The following DCDC1 variants were observed in gnomAD, a reference collection of about 807,000 sequenced individuals.
DCDC1 encodes the protein doublecortin domain containing 1, also known as doublecortin domain-containing protein 1.
A neutral mutation model predicts 178.3 loss-of-function variants in DCDC1; 200 were observed. The ratio of observed to expected loss-of-function variants is 1.12; its 90% CI spans 1.00 to 1.26. DCDC1 has a LOEUF of 1.26. Ranked by LOEUF, DCDC1 falls within the 50% of genes most tolerant of loss-of-function variation. The probability of loss-of-function intolerance (pLI) is 0.00; values close to 1 mark genes in which losing one functional copy is unlikely to be tolerated. For synonymous variants in DCDC1, 690 were observed against 604.8 expected (o/e 1.14, Z -2.07); for missense variants, 1,983 against 1,749.2 (o/e 1.13, Z -2.38).
At chr11:31,367,819 G>A (rs371482048) in intron 1 of DCDC1, among the ~76,000 whole-genome samples, 2 of 152,292 alleles carry the variant, frequency 1.3e-5, no homozygotes, top group East Asian at 3.9e-4. Flanking sequence ...AAAAATGAAG[G>A]AAGCTTAATG....
chr11:30,925,721 C>T (rs971663864), intron 22 of DCDC1, among the ~76,000 whole-genome samples: 1 of 152,176 alleles, frequency 6.6e-6, no homozygotes, highest in Non-Finnish European at 1.5e-5. Flanking sequence ...AATAGCTAGA[C>T]ACACTGCTAT....
rs367794137 is a variant in DCDC1, at chr11:31,051,069, G to C, written c.2591+13400C>G. On this transcript the variant is annotated intron_variant, in intron 20 of 38. Coordinates refer to ENST00000684477, the MANE Select transcript of DCDC1 (RefSeq NM_001387274.1). ...AGAGAAAGGCAAAGCCCAATCCAAG[G>C]AAATCCAAAAAATGATACACGAAGT... 2.0e-5 allele frequency among the ~76,000 whole-genome samples: 3 copies of C among 151,976 alleles called. No homozygotes were observed. In the East Asian group the frequency reaches 5.8e-4, roughly 29 times the overall value.
intron 9 of DCDC1, among the ~76,000 whole-genome samples, chr11:31,148,210 T>TAAAAAAAAAAA (rs55829692): frequency 2.1e-5 from 2 of 95,672 alleles, no homozygotes; most frequent in African/African-American, 7.8e-5. Flanking sequence ...TTTATTATTA[T>TAAAAAAAAAAA]AAAAAAAAAA....
rs1968080118 is a variant in DCDC1, at chr11:31,176,733, G to C, written c.1222-38949C>G. Among the ~76,000 whole-genome samples, 4 of 151,992 alleles carry C rather than the reference G, an allele frequency of 2.6e-5. No homozygotes were observed. The South Asian group carries it at 6.2e-4, about 24-fold the overall frequency. Reference sequence around the variant, plus strand: ...AGCAGAAATCTTTCAGGCCAGGAGAGAATGGGATAATACATTCAAAGTTCT... The same window carrying C: ...AGCAGAAATCTTTCAGGCCAGGAGACAATGGGATAATACATTCAAAGTTCT... On this transcript the variant is annotated intron_variant, in intron 9 of 38. Coordinates refer to ENST00000684477, the MANE Select transcript of DCDC1 (RefSeq NM_001387274.1).
intron 9 of DCDC1, among the ~76,000 whole-genome samples, chr11:31,180,279 G>A (rs1389847114): frequency 6.6e-6 from 1 of 152,176 alleles, no homozygotes; most frequent in Non-Finnish European, 1.5e-5. Context: ...ATAGCTAGAA[G>A]ACAGGCTTTT....
chr11:30,945,167 C>T (rs1590472521), intron 21 of DCDC1, among the ~76,000 whole-genome samples: 1 of 151,434 alleles, frequency 6.6e-6, no homozygotes, highest in East Asian at 2.0e-4. Context: ...CGGGGTTTCA[C>T]TATGTTGGTC....
chr11:31,220,798 A>C (rs542086750), intron 9 of DCDC1, among the ~76,000 whole-genome samples: 1 of 152,280 alleles, frequency 6.6e-6, no homozygotes, highest in South Asian at 2.1e-4. Flanking sequence ...TTATTTTCTC[A>C]TAGTTCTGGA....
At chr11:31,016,947 A>G (rs937707580) in intron 20 of DCDC1, among the ~76,000 whole-genome samples, 1 of 152,186 alleles carries the variant, frequency 6.6e-6, no homozygotes, top group African/African-American at 2.4e-5. Context: ...TGAACCCGAA[A>G]TGCTCTGCTG....
chr11:31,071,625 T>C (rs1956566635), intron 18 of DCDC1, among the ~76,000 whole-genome samples: 1 of 152,184 alleles, frequency 6.6e-6, no homozygotes, highest in South Asian at 2.1e-4. Context: ...GCTTCTGTAA[T>C]GGGTAGCAGA....
chr11:30,913,001 G>C (rs1390711868), intron 27 of DCDC1, among the ~76,000 whole-genome samples: 1 of 152,138 alleles, frequency 6.6e-6, no homozygotes, highest in Non-Finnish European at 1.5e-5. Flanking sequence ...ACATGAAAGA[G>C]AACAAAGCAA....
chr11:30,954,989 C>T (rs1289157575), intron 20 of DCDC1, among the ~76,000 whole-genome samples: 2 of 152,196 alleles, frequency 1.3e-5, no homozygotes, highest in African/African-American at 2.4e-5. Context: ...ATTCAGACAA[C>T]ATATTTGAGT....
At chr11:30,866,507 T>G (rs1318661618) in intron 38 of DCDC1, among the ~76,000 whole-genome samples, 2 of 152,062 alleles carry the variant, frequency 1.3e-5, no homozygotes, top group African/African-American at 2.4e-5. Flanking sequence ...CCCCTAAGGG[T>G]CCCAGCTCTT....
chr11:31,214,128 C>G (rs1304590563), intron 9 of DCDC1, among the ~76,000 whole-genome samples: 4 of 151,556 alleles, frequency 2.6e-5, no homozygotes, highest in South Asian at 2.1e-4. Flanking sequence ...TTTTTTTTAT[C>G]AAAATAAGGT....
intron 3 of DCDC1, chr11:31,312,808 A>G (rs1317949413): frequency 1.3e-5 from 2 of 152,154 alleles, no homozygotes; most frequent in African/African-American, 2.4e-5. Flanking sequence ...CAGCCTCCAT[A>G]ATCGGGTGAG....
intron 21 of DCDC1, among the ~76,000 whole-genome samples, chr11:30,950,714 G>C (rs1271843712): frequency 6.6e-6 from 1 of 151,998 alleles, no homozygotes; most frequent in Non-Finnish European, 1.5e-5. Flanking sequence ...GAAAGGTAGC[G>C]GGGAGGAGGG....
intron 20 of DCDC1, among the ~76,000 whole-genome samples, chr11:31,053,422 T>C (rs1452708733): frequency 6.6e-6 from 1 of 152,072 alleles, no homozygotes; most frequent in Non-Finnish European, 1.5e-5. Flanking sequence ...TTGGTACCAA[T>C]CTTTTGACAC....
chr11:30,914,551 G>A (rs1242720516), intron 27 of DCDC1, among the ~76,000 whole-genome samples: 1 of 150,686 alleles, frequency 6.6e-6, no homozygotes, highest in East Asian at 2.0e-4. Flanking sequence ...CACACTAATG[G>A]TAGAATTTGA....
intron 36 of DCDC1, among the ~76,000 whole-genome samples, chr11:30,887,997 C>G (rs1943328939): frequency 1.8e-5 from 2 of 113,518 alleles, no homozygotes; most frequent in Non-Finnish European, 3.7e-5. Flanking sequence ...GAGCAAAATT[C>G]CGTCAAAAAA....
At chr11:31,069,308 A>G (rs927086238) in intron 18 of DCDC1, among the ~76,000 whole-genome samples, 1 of 152,192 alleles carries the variant, frequency 6.6e-6, no homozygotes, top group African/African-American at 2.4e-5. Context: ...TAGCAAAAAG[A>G]AGTTTAATCC....
Sources: allele counts gnomAD v4.1 joint callset (sites outside exome capture counted in the v4.1 genomes callset), GRCh38; gene constraint gnomAD v4.1.1; transcripts MANE v1.5; gene names NCBI Gene and HGNC (gene_info 2026-07-23, HGNC 2026-07-21).